The following RAB11FIP3 variants were observed in gnomAD, a reference collection of about 807,000 sequenced individuals.
RAB11FIP3 encodes the protein rab11 family-interacting protein 3.
RAB11FIP3 carries 17 observed loss-of-function variants against 77.8 expected under a neutral mutation model. That is an observed-to-expected ratio of 0.22 (90% CI 0.15 to 0.33). The LOEUF is 0.33. RAB11FIP3 is among the 10% of genes least tolerant of loss of function. RAB11FIP3 has a pLI of 1.00. For missense variants in RAB11FIP3, 1,005 were observed against 1,011.2 expected (o/e 0.99, Z 0.08); for synonymous variants, 437 against 448.2 (o/e 0.98, Z 0.31).
chr16:460,973 G>T (rs1015208851), intron 1 of RAB11FIP3, among the ~76,000 whole-genome samples: 2 of 152,160 alleles, frequency 1.3e-5, no homozygotes, highest in Admixed American at 1.3e-4. Context: ...CCCTGTTGGC[G>T]GCTTCTTTGC....
In RAB11FIP3 at chr16:505,041, C is replaced by T. The variant is rs192177503; in HGVS notation, c.1396-483C>T. 8.0e-5 allele frequency among the ~76,000 whole-genome samples: 12 copies of T among 149,350 alleles called. No individual in the cohort carries two copies. The highest frequency in any genetic ancestry group is 1.2e-4 in the Non-Finnish European group (8 of 67,520). ...GCATCTCAAGTCTGCTGACCCAGGC[C>T]AAGTCCTCCTCTGCTCCCTTCACTC... On this transcript the variant is annotated intron_variant, in intron 7 of 13. Coordinates refer to ENST00000262305, the MANE Select transcript of RAB11FIP3 (RefSeq NM_014700.4). This position sits in a 1 kb window ranked among gnomAD's most constrained non-coding sequence, Gnocchi z 4.0.
intron 1 of RAB11FIP3, among the ~76,000 whole-genome samples, chr16:433,028 CTTTTTTTTTTTT>C (rs920883186): frequency 9.8e-5 from 4 of 40,886 alleles, no homozygotes; most frequent in Non-Finnish European, 1.7e-4. Context: ...CCATATTTAT[CTTTTTTTTTTTT>C]TTTTTTTTTT....
At chr16:428,276 C>T (rs1273257879) in intron 1 of RAB11FIP3, among the ~76,000 whole-genome samples, 1 of 152,118 alleles carries the variant, frequency 6.6e-6, no homozygotes, top group African/African-American at 2.4e-5. Context: ...CACTAATGGG[C>T]AGTGAAATAT....
chr16:468,293 T>G (rs2055752250), intron 2 of RAB11FIP3, among the ~76,000 whole-genome samples: 1 of 144,054 alleles, frequency 6.9e-6, no homozygotes, highest in African/African-American at 2.6e-5. Flanking sequence ...TGCAGGGGCG[T>G]CAGGGAGGAG....
chr16:475,841 C>T (rs560837013), intron 3 of RAB11FIP3, among the ~76,000 whole-genome samples: 2 of 152,218 alleles, frequency 1.3e-5, no homozygotes, highest in Admixed American at 1.3e-4. Flanking sequence ...GGAGGCCCGG[C>T]TTACTTTATT....
At chr16:463,430 G>GTTTTTTTT (rs142875972) in intron 2 of RAB11FIP3, among the ~76,000 whole-genome samples, 2 of 82,260 alleles carry the variant, frequency 2.4e-5, no homozygotes, top group African/African-American at 4.8e-5. Flanking sequence ...TTGTTCCCCG[G>GTTTTTTTT]TTTTTTTTTT....
At chr16:520,632 G>A (rs2032642578) in intron 13 of RAB11FIP3, 33 bp downstream of exon 13, 1 of 1,610,982 alleles carries the variant, frequency 6.2e-7, no homozygotes. Context: ...GGTGTGGCCT[G>A]GGGTCCACAG....
chr16:491,514 G>GCTGT (rs1460895067), intron 5 of RAB11FIP3, among the ~76,000 whole-genome samples: 1 of 152,258 alleles, frequency 6.6e-6, no homozygotes, highest in African/African-American at 2.4e-5. Flanking sequence ...TGCAAGCTGT[G>GCTGT]CTGTCTGTCC....
chr16:471,466 C>T lies in RAB11FIP3; in HGVS notation c.903+77C>T. ...CTTTATGCCCTACAGCTCGTGCCTC[C>T]TGCCTCCGGGCTGTCTTCCGTAGAA... On this transcript the variant is annotated intron_variant, in intron 3 of 13. Transcript: ENST00000262305. This position sits in a 1 kb window ranked among gnomAD's most constrained non-coding sequence, Gnocchi z 4.4. The T allele has an allele frequency of 8.0e-7, 1 of 1,248,160 alleles. No individual in the cohort carries two copies. The highest frequency in any genetic ancestry group is 1.1e-6 in the Non-Finnish European group (1 of 871,386). The allele number at this position is 1,248,160 out of a possible 1,614,324, so 77.3% of individuals were successfully genotyped here. A position where few individuals can be genotyped will look rare whatever the true frequency, so the allele number is the denominator to read the frequency against.
At chr16:476,082 C>G (rs150830250) in intron 3 of RAB11FIP3, among the ~76,000 whole-genome samples, 25 of 152,170 alleles carry the variant, frequency 1.6e-4, no homozygotes, top group African/African-American at 5.6e-4. Context: ...TCTCGAACTC[C>G]TGGCCTCAAG....
At chr16:478,993 A>G (rs1489839355) in intron 3 of RAB11FIP3, among the ~76,000 whole-genome samples, 1 of 152,078 alleles carries the variant, frequency 6.6e-6, no homozygotes, top group Non-Finnish European at 1.5e-5. Flanking sequence ...GAAAAAGAAA[A>G]AAAAAGTTCT....
At chr16:474,843 G>A in intron 3 of RAB11FIP3, 1 of 1,429,606 alleles carries the variant, frequency 7.0e-7, no homozygotes, top group African/African-American at 1.4e-5. Context: ...ACACCAGCAG[G>A]AGGTTTATTA....
chr16:490,037 T>G (rs1283666899), intron 5 of RAB11FIP3, among the ~76,000 whole-genome samples: 1 of 152,252 alleles, frequency 6.6e-6, no homozygotes. Context: ...GGGGCGTTTC[T>G]AAACTTGGGT....
chr16:472,196 G>A lies in RAB11FIP3; in HGVS notation c.903+807G>A, dbSNP rs192033607. Among the ~76,000 whole-genome samples, 109 of 152,340 alleles carry A rather than the reference G, an allele frequency of 7.2e-4. No individual in the cohort carries two copies. Among genetic ancestry groups the A allele is most frequent in the South Asian group, 2.3e-3 (11 of 4,830 alleles). On this transcript the variant is annotated intron_variant, in intron 3 of 13. Transcript: ENST00000262305. This position sits in a 1 kb window ranked among gnomAD's most constrained non-coding sequence, Gnocchi z 4.1. ...AGTTGCTTTTGGACGCCACTGTACC[G>A]TGGGAGCCATGGTATTATACTCAGT...
rs2032308127 is a variant in RAB11FIP3, at chr16:514,190, C to T, written c.1640+3390C>T. 6.6e-6 allele frequency among the ~76,000 whole-genome samples: 1 copy of T among 152,234 alleles called. No individual in the cohort carries two copies. Among genetic ancestry groups the T allele is most frequent in the Admixed American group, 6.5e-5 (1 of 15,284 alleles). On this transcript the variant is annotated intron_variant, in intron 9 of 13. Coordinates refer to ENST00000262305, the MANE Select transcript of RAB11FIP3 (RefSeq NM_014700.4). The surrounding 1 kb of genome is among the most constrained non-coding windows in gnomAD (Gnocchi z 4.6). The stretch of plus-strand genomic sequence containing the variant: ...CTCCTGCAGCTTCCTGGAGTGGCCA[C>T]CAGGAACCTTGTGGTTCTCAGGGCT...
chr16:468,243 G>GGGACGTCAGGGAGGAGGTCCTT (rs1567374307), intron 2 of RAB11FIP3, among the ~76,000 whole-genome samples: 5 of 147,712 alleles, frequency 3.4e-5, no homozygotes, highest in Admixed American at 6.7e-5. Flanking sequence ...AGGAGGTGCT[G>GGGACGTCAGGGAGGAGGTCCTT]GGGCGTCAGG....
Position 426,320 on chromosome 16 carries a change from C to G in RAB11FIP3, c.314C>G (p.Ala105Gly), listed in dbSNP as rs971345702. 1.4e-6 allele frequency: 2 copies of G among 1,402,440 alleles called. No individual in the cohort carries two copies. Among genetic ancestry groups the G allele is most frequent in the African/African-American group, 1.5e-5 (1 of 67,284 alleles). The allele number at this position is 1,402,440 out of a possible 1,614,324, so 86.9% of individuals were successfully genotyped here. A position where few individuals can be genotyped will look rare whatever the true frequency, so the allele number is the denominator to read the frequency against. ...CGGGGGCAGCTTGCGAGCCCCGACG[C>G]CCCGGGCCCAGGGCCGCGCTCCGAA... ...GPRGQLASPD[A>G]PGPGPRSEAP... Residue 105 changes from alanine (A) to glycine (G), a missense_variant, in exon 1 of 14, where the codon GCC (alanine) becomes GGC (glycine). Ala to Gly is a moderately conservative substitution (Grantham distance 60). This residue lies in a region of RAB11FIP3 where 466 missense variants were observed against 408.3 expected (regional missense o/e 1.14). Transcript: ENST00000262305. This position sits in a 1 kb window ranked among gnomAD's most constrained non-coding sequence, Gnocchi z 5.0.
Position 482,293 on chromosome 16 carries a change from C to T in RAB11FIP3, c.904-232C>T, listed in dbSNP as rs62033167. ...CTGGTCTTGAGCTCCTGGGTTCAAG[C>T]GATCCACCCACCGAGGCCTCCGAAA... On this transcript the variant is annotated intron_variant, in intron 3 of 13. Coordinates refer to ENST00000262305, the MANE Select transcript of RAB11FIP3 (RefSeq NM_014700.4). 2,677 of 675,526 alleles carry T rather than the reference C, an allele frequency of 4.0e-3. 16 individuals carry two copies. The highest frequency in any genetic ancestry group is 5.3e-3 in the Non-Finnish European group (1,951 of 367,248). The allele number at this position is 675,526 out of a possible 1,614,324, so 41.8% of individuals were successfully genotyped here. A position where few individuals can be genotyped will look rare whatever the true frequency, so the allele number is the denominator to read the frequency against.
rs1016399376 is a variant in RAB11FIP3, at chr16:505,047, C to A, written c.1396-477C>A. 6.7e-6 allele frequency among the ~76,000 whole-genome samples: 1 copy of A among 149,600 alleles called. No homozygotes were observed. Among genetic ancestry groups the A allele is most frequent in the Non-Finnish European group, 1.5e-5 (1 of 67,612 alleles). On this transcript the variant is annotated intron_variant, in intron 7 of 13. Coordinates refer to ENST00000262305, the MANE Select transcript of RAB11FIP3 (RefSeq NM_014700.4). This position sits in a 1 kb window ranked among gnomAD's most constrained non-coding sequence, Gnocchi z 4.0. Reference sequence around the variant, plus strand: ...CAAGTCTGCTGACCCAGGCCAAGTCCTCCTCTGCTCCCTTCACTCCTTCTC... The same window carrying A: ...CAAGTCTGCTGACCCAGGCCAAGTCATCCTCTGCTCCCTTCACTCCTTCTC...
Sources: allele counts gnomAD v4.1 joint callset (sites outside exome capture counted in the v4.1 genomes callset), GRCh38; gene constraint gnomAD v4.1.1; regional missense constraint gnomAD v4.1.1; non-coding constraint Gnocchi (gnomAD v3.1); transcripts MANE v1.5; gene names NCBI Gene and HGNC (gene_info 2026-07-23, HGNC 2026-07-21).